Variants in ALKAL1 observed in about 807,000 individuals in gnomAD.
ALKAL1 encodes the protein AUG-beta.
A neutral mutation model predicts 13.5 loss-of-function variants in ALKAL1; 23 were observed. That is an observed-to-expected ratio of 1.70 (90% CI 1.23 to 2.41). The LOEUF is 2.41. Ranked by LOEUF, ALKAL1 falls within the 30% of genes most tolerant of loss-of-function variation. ALKAL1 has a pLI of 0.00. For synonymous variants in ALKAL1, 85 were observed against 77.7 expected (o/e 1.09, Z -0.49); for missense variants, 181 against 178.4 (o/e 1.01, Z -0.08).
chr8:52,542,600 T>C (rs1015724746), intron 1 of ALKAL1, among the ~76,000 whole-genome samples, 155 bp from the exon 2 acceptor site: 2 of 152,226 alleles, frequency 1.3e-5, no homozygotes, highest in African/African-American at 2.4e-5. Flanking sequence ...GCCCTGACCA[T>C]TTCCTGGGCT....
At position 52,554,176 on chromosome 8, in the gene ALKAL1, A is replaced by G. The variant is rs1847457707; in HGVS notation, c.190+10891T>C. Among the ~76,000 whole-genome samples, 2 of 152,236 alleles carry G rather than the reference A, an allele frequency of 1.3e-5. 1 individual carries two copies. Among genetic ancestry groups the G allele is most frequent in the South Asian group, 4.1e-4 (2 of 4,826 alleles). On this transcript the variant is annotated intron_variant, in intron 1 of 4. Coordinates refer to ENST00000358543, the MANE Select transcript of ALKAL1 (RefSeq NM_207413.4). Reference sequence around the variant, plus strand: ...GAGGTGGAGGTTGCAGTGAACCGAGATCGCACCATTGCACTCCAGCCTGGG... The same window carrying G: ...GAGGTGGAGGTTGCAGTGAACCGAGGTCGCACCATTGCACTCCAGCCTGGG...
At chr8:52,555,500 G>A (rs1847473958) in intron 1 of ALKAL1, among the ~76,000 whole-genome samples, 1 of 152,142 alleles carries the variant, frequency 6.6e-6, no homozygotes, top group African/African-American at 2.4e-5. Context: ...ATAGGCAGCA[G>A]ATAATGAATA....
At position 52,539,728 on chromosome 8, in the gene ALKAL1, A is replaced by G. The variant is rs150690856; in HGVS notation, c.325+103T>C. On this transcript the variant is annotated intron_variant, in intron 3 of 4. Transcript: ENST00000358543. ...AATCAGTGTTATAAATAGAATCTCA[A>G]TGTTTAGTCTACTACTTCCCACCCA... 9.8e-4 allele frequency: 799 copies of G among 811,448 alleles called. 5 individuals are homozygous for G. In the African/African-American group the frequency reaches 0.012, roughly 12 times the overall value. The allele number at this position is 811,448 out of a possible 1,614,324, so 50.3% of individuals were successfully genotyped here.
chr8:52,552,728 G>A (rs1310007540), intron 1 of ALKAL1, among the ~76,000 whole-genome samples: 1 of 152,162 alleles, frequency 6.6e-6, no homozygotes, highest in Non-Finnish European at 1.5e-5. Flanking sequence ...TCTGTCATTA[G>A]TAAGTTTTTG....
chr8:52,534,587 T>C lies in ALKAL1; in HGVS notation c.*26A>G. The C allele has an allele frequency of 1.7e-6, 1 of 603,240 alleles. No homozygotes were observed. Among genetic ancestry groups the C allele is most frequent in the Non-Finnish European group, 2.9e-6 (1 of 340,328 alleles). 37.4% of individuals were successfully genotyped at this position (603,240 alleles called of 1,614,324 possible). ...ACTTTTTCTTCAAATTAGATGTACA[T>C]TCTTAGGAAATGTCTGTGGGGGTAA... is the stretch of plus-strand genomic sequence containing the variant. On this transcript the variant is annotated 3_prime_UTR_variant, in exon 5 of 5. Transcript: ENST00000358543.
chr8:52,539,113 G>GA (rs903398740), intron 3 of ALKAL1, among the ~76,000 whole-genome samples: 3 of 151,770 alleles, frequency 2.0e-5, no homozygotes, highest in African/African-American at 7.3e-5. Context: ...AGTTGTTTTT[G>GA]AAAAAAATTA....
chr8:52,563,836 C>T (rs1255842862), intron 1 of ALKAL1, among the ~76,000 whole-genome samples: 1 of 152,150 alleles, frequency 6.6e-6, no homozygotes, highest in Non-Finnish European at 1.5e-5. Flanking sequence ...CTCCCCAGGG[C>T]AGGACACCCT....
intron 1 of ALKAL1, among the ~76,000 whole-genome samples, chr8:52,562,318 G>A (rs1429889946): frequency 3.9e-5 from 6 of 152,248 alleles, no homozygotes; most frequent in South Asian, 2.1e-4. Flanking sequence ...ACCCAGATTC[G>A]AGAGACATCG....
intron 1 of ALKAL1, among the ~76,000 whole-genome samples, chr8:52,556,227 C>T (rs891259688): frequency 1.2e-4 from 19 of 152,092 alleles, no homozygotes; most frequent in Non-Finnish European, 2.6e-4. Flanking sequence ...TGTGTAATTA[C>T]TATCTGATTA....
intron 1 of ALKAL1, among the ~76,000 whole-genome samples, chr8:52,558,763 G>A (rs1388192077): frequency 6.6e-6 from 1 of 152,140 alleles, no homozygotes; most frequent in Non-Finnish European, 1.5e-5. Context: ...TTTGTATAAA[G>A]TTTCCTTTAC....
At chr8:52,542,758 T>A (rs1346290320) in intron 1 of ALKAL1, among the ~76,000 whole-genome samples, 1 of 152,244 alleles carries the variant, frequency 6.6e-6, no homozygotes, top group Non-Finnish European at 1.5e-5. Flanking sequence ...GAAGACTGAC[T>A]GAAGTGGCAT....
At chr8:52,563,046 G>A (rs1241258866) in intron 1 of ALKAL1, among the ~76,000 whole-genome samples, 1 of 152,196 alleles carries the variant, frequency 6.6e-6, no homozygotes. Context: ...TACAGTCACA[G>A]AAAGCAATGG....
Position 52,561,708 on chromosome 8 carries a change from T to C in ALKAL1, c.190+3359A>G, listed in dbSNP as rs116796351. Among the ~76,000 whole-genome samples the C allele has an allele frequency of 4.3e-3, 661 of 152,310 alleles. 8 individuals carry two copies. The highest frequency in any genetic ancestry group is 0.014 in the African/African-American group (592 of 41,566). On this transcript the variant is annotated intron_variant, in intron 1 of 4. Coordinates refer to ENST00000358543, the MANE Select transcript of ALKAL1 (RefSeq NM_207413.4). ...CCATGCTACTTATTAAGCACGTTGATTTGCCATTGTTCAGCATAACCTCAT... is the reference window on the plus strand; with the variant it reads ...CCATGCTACTTATTAAGCACGTTGACTTGCCATTGTTCAGCATAACCTCAT...
At chr8:52,561,165 C>A (rs1041417424) in intron 1 of ALKAL1, among the ~76,000 whole-genome samples, 1 of 152,140 alleles carries the variant, frequency 6.6e-6, no homozygotes, top group Non-Finnish European at 1.5e-5. Context: ...AATTGTTACT[C>A]ACCAGGTATA....
intron 1 of ALKAL1, among the ~76,000 whole-genome samples, chr8:52,549,929 G>A (rs1475734428): frequency 6.6e-6 from 1 of 152,090 alleles, no homozygotes; most frequent in Non-Finnish European, 1.5e-5. Flanking sequence ...GTGACAGAGT[G>A]AGACTCCATC....
intron 4 of ALKAL1, 32 bp downstream of exon 4, chr8:52,538,398 TA>T (rs757531984): frequency 1.4e-5 from 17 of 1,250,504 alleles, no homozygotes; most frequent in Non-Finnish European, 1.7e-5. Flanking sequence ...GTTAGACTAT[TA>T]AACAGGATAA....
intron 4 of ALKAL1, among the ~76,000 whole-genome samples, chr8:52,536,437 T>A (rs1475746102): frequency 6.6e-6 from 1 of 152,238 alleles, no homozygotes; most frequent in African/African-American, 2.4e-5. Context: ...TTTAAATAAA[T>A]GTTACAATTT....
chr8:52,559,932 T>C (rs1847530556), intron 1 of ALKAL1, among the ~76,000 whole-genome samples: 2 of 152,128 alleles, frequency 1.3e-5, no homozygotes, highest in Non-Finnish European at 2.9e-5. Context: ...CAAAGTTTCT[T>C]TTTTAAAATT....
intron 4 of ALKAL1, among the ~76,000 whole-genome samples, chr8:52,537,360 T>A (rs1165339357): frequency 6.6e-6 from 1 of 152,154 alleles, no homozygotes; most frequent in Non-Finnish European, 1.5e-5. Context: ...AACCTTTATA[T>A]ACTGTTGGTG....
Sources: allele counts gnomAD v4.1 joint callset (sites outside exome capture counted in the v4.1 genomes callset), GRCh38; gene constraint gnomAD v4.1.1; transcripts MANE v1.5; gene names NCBI Gene and HGNC (gene_info 2026-07-23, HGNC 2026-07-21).